ABCA13: variants seen among roughly 807,000 people sequenced by gnomAD.
ABCA13 encodes ATP binding cassette subfamily A member 13.
ABCA13 carries 476 observed loss-of-function variants against 478.7 expected under a neutral mutation model. The ratio of observed to expected loss-of-function variants is 0.99; its 90% CI spans 0.92 to 1.07. ABCA13 has a LOEUF of 1.07. Among genes scored for constraint, ABCA13 ranks in the 50% least tolerant of loss-of-function variants. The pLI, the probability that ABCA13 is intolerant of heterozygous loss-of-function variation, is 0.00. For synonymous variants in ABCA13, 2,252 were observed against 2,158.9 expected, an observed-to-expected ratio of 1.04 and a Z score of -1.20; for missense variants, 6,060 against 5,910.6, an observed-to-expected ratio of 1.03 and a Z score of -0.83.
At chr7:48,203,366 G>A (rs1799130123) in intron 3 of ABCA13, among the ~76,000 whole-genome samples, 1 of 152,264 alleles carries the variant, frequency 6.6e-6, no homozygotes, top group South Asian at 2.1e-4. Flanking sequence ...GACTCCCACA[G>A]TGCAGTGGTG....
Position 48,481,092 on chromosome 7 carries a change from A to G in ABCA13, c.13032A>G (p.Thr4344=). The G allele has an allele frequency of 6.2e-7, 1 of 1,603,402 alleles. No individual in the cohort carries two copies. Among genetic ancestry groups the G allele is most frequent in the Non-Finnish European group, 8.5e-7 (1 of 1,174,866 alleles). Residue 4344 remains threonine (T), a synonymous_variant, in exon 46 of 62, where the codon ACA becomes ACG. Coordinates refer to ENST00000435803, the MANE Select transcript of ABCA13 (RefSeq NM_152701.5). ...APYLTNHLGH[T]LLNLSGFNME... is the part of the protein sequence containing the mutation. ...ACCTGACCAACCACCTGGGCCACAC[A>G]CTGTTGAATCTCTCAGGCTTCAATA...
chr7:48,385,675 C>T lies in ABCA13; in HGVS notation c.11336-2147C>T, dbSNP rs1310825210. On this transcript the variant is annotated intron_variant, in intron 35 of 61. Coordinates refer to ENST00000435803, the MANE Select transcript of ABCA13 (RefSeq NM_152701.5). ...ATATATATTCCTTTGGGTATATACT[C>T]AGTAATGGGATTACTGGGTCAAATG... Among the ~76,000 whole-genome samples the T allele has an allele frequency of 4.6e-5, 7 of 152,106 alleles. No homozygotes were observed. In the East Asian group the frequency reaches 1.3e-3, roughly 29 times the overall value.
intron 42 of ABCA13, among the ~76,000 whole-genome samples, chr7:48,439,129 C>T (rs904197439): frequency 6.6e-6 from 1 of 152,104 alleles, no homozygotes; most frequent in Non-Finnish European, 1.5e-5. Flanking sequence ...CTCACAGTTT[C>T]TTTTGGTCAA....
intron 58 of ABCA13, among the ~76,000 whole-genome samples, chr7:48,598,288 T>G (rs1790505830): frequency 6.6e-6 from 1 of 152,230 alleles, no homozygotes. Flanking sequence ...CTGAGTCATA[T>G]TCCACTATCT....
chr7:48,321,828 T>A (rs1276177337), intron 27 of ABCA13, among the ~76,000 whole-genome samples: 1 of 152,132 alleles, frequency 6.6e-6, no homozygotes, highest in African/African-American at 2.4e-5. Context: ...CCAGGTAAGA[T>A]GTGGGCTGGG....
At chr7:48,329,042 G>A (rs554806705) in intron 27 of ABCA13, among the ~76,000 whole-genome samples, 1 of 152,306 alleles carries the variant, frequency 6.6e-6, no homozygotes, top group East Asian at 1.9e-4. Context: ...TTGTTTGTAA[G>A]CAGTAGAGAT....
At chr7:48,422,640 A>G (rs765605549) in intron 41 of ABCA13, among the ~76,000 whole-genome samples, 7 of 152,224 alleles carry the variant, frequency 4.6e-5, no homozygotes, top group Admixed American at 2.0e-4. Flanking sequence ...TCAAATCAAC[A>G]GCCCTTGTTT....
At chr7:48,474,387 AATTAGATG>A (rs1198187558) in intron 45 of ABCA13, among the ~76,000 whole-genome samples, 1 of 152,166 alleles carries the variant, frequency 6.6e-6, no homozygotes, top group African/African-American at 2.4e-5. Flanking sequence ...GGTTCTCTCT[AATTAGATG>A]ATTAGATGAT....
chr7:48,612,867 A>AT (rs75789910), intron 58 of ABCA13, among the ~76,000 whole-genome samples: 63 of 148,392 alleles, frequency 4.2e-4, no homozygotes, highest in South Asian at 1.5e-3. Context: ...CTTTCTGGGT[A>AT]TTTTTTTTTT....
chr7:48,240,627 GA>G (rs1790691548), intron 9 of ABCA13, among the ~76,000 whole-genome samples: 1 of 151,890 alleles, frequency 6.6e-6, no homozygotes, highest in South Asian at 2.1e-4. Flanking sequence ...TCTTTTGGGG[GA>G]AAAAAGAGAA....
chr7:48,300,691 C>T (rs1800026166), intron 23 of ABCA13, among the ~76,000 whole-genome samples: 2 of 152,164 alleles, frequency 1.3e-5, no homozygotes, highest in South Asian at 4.1e-4. Flanking sequence ...CTGCCCTCTT[C>T]CCTGGCTGCA....
At position 48,516,792 on chromosome 7, in the gene ABCA13, T is replaced by C. The variant is rs745471979; in HGVS notation, c.13708T>C (p.Ser4570Pro). ...IFSSSDVAFI[S>P]YVSLNFIFGL... is the part of the protein sequence containing the mutation. ...TTCCAGTTCGGACGTGGCTTTCATT[T>C]CCTATGTCTCACTAAACTTCATCTT... The change falls in exon 52 of 62, where the codon TCC becomes CCC. Residue 4570 changes from serine to proline, a missense_variant. By Grantham distance (74) the Ser-to-Pro change is moderately conservative. Around this residue, in one of 3 missense-constraint regions of ABCA13, gnomAD observed 1,627 missense variants for 1,571.0 expected, o/e 1.04. Coordinates refer to ENST00000435803, the MANE Select transcript of ABCA13 (RefSeq NM_152701.5). 1 of 1,613,760 alleles carries C rather than the reference T, an allele frequency of 6.2e-7. No homozygotes were observed.
At chr7:48,522,649 A>G (rs1832633017) in intron 53 of ABCA13, among the ~76,000 whole-genome samples, 2 of 152,228 alleles carry the variant, frequency 1.3e-5, no homozygotes, top group South Asian at 4.1e-4. Flanking sequence ...GTATTAGGAC[A>G]CTGGATTGTT....
At chr7:48,283,163 C>T (rs1483361195) in intron 19 of ABCA13, among the ~76,000 whole-genome samples, 6 of 151,946 alleles carry the variant, frequency 3.9e-5, no homozygotes, top group Admixed American at 3.9e-4. Context: ...GACGTATTCC[C>T]AACATCCACT....
At position 48,279,172 on chromosome 7, in the gene ABCA13, A is replaced by T. The variant is rs369146904; in HGVS notation, c.7978A>T (p.Asn2660Tyr). 1 of 1,601,304 alleles carries T rather than the reference A, an allele frequency of 6.2e-7. No individual in the cohort carries two copies. Among genetic ancestry groups the T allele is most frequent in the Non-Finnish European group, 8.5e-7 (1 of 1,173,876 alleles). ...EDMRSLAVAF[N>Y]NETQTFSMDS... ...TATGAGGAGTCTTGCGGTAGCATTTAACAATGAGACTCAAACATTTTCTAT... is the reference window on the plus strand; with the variant it reads ...TATGAGGAGTCTTGCGGTAGCATTTTACAATGAGACTCAAACATTTTCTAT... The change falls in exon 18 of 62, where the codon AAC becomes TAC. Residue 2660 changes from asparagine to tyrosine, a missense_variant. By Grantham distance (143) the Asn-to-Tyr change is moderately radical. Around this residue, in one of 3 missense-constraint regions of ABCA13, gnomAD observed 4,423 missense variants for 4,309.1 expected, o/e 1.03. Coordinates refer to ENST00000435803, the MANE Select transcript of ABCA13 (RefSeq NM_152701.5).
rs972983160 is a variant in ABCA13, at chr7:48,561,743, G to A, written c.14355-18481G>A. Among the ~76,000 whole-genome samples, 7 of 151,902 alleles carry A rather than the reference G, an allele frequency of 4.6e-5. No individual in the cohort carries two copies. In the East Asian group the frequency reaches 7.7e-4, roughly 17 times the overall value. ...TAGCTTTTTATTTTGATATAATCCCGTTTGTCTTTGTTTCTATTGCTTGAG... is the reference window on the plus strand; with the variant it reads ...TAGCTTTTTATTTTGATATAATCCCATTTGTCTTTGTTTCTATTGCTTGAG... On this transcript the variant is annotated intron_variant, in intron 55 of 61. Coordinates refer to ENST00000435803, the MANE Select transcript of ABCA13 (RefSeq NM_152701.5).
In ABCA13 at chr7:48,272,314, A is replaced by T. The variant is rs967269755; in HGVS notation, c.2648A>T (p.Lys883Ile). The change falls in exon 17 of 62, where the codon AAA becomes ATA. Residue 883 changes from lysine (K) to isoleucine (I), a missense_variant. This residue lies in a region of ABCA13 where 4,423 missense variants were observed against 4,309.1 expected (regional missense o/e 1.03). Coordinates refer to ENST00000435803, the MANE Select transcript of ABCA13 (RefSeq NM_152701.5). ...FSQLFHSDWPKSPAMNIDFVR... is the reference protein window; with the variant it reads ...FSQLFHSDWPISPAMNIDFVR... ...CAGTTGTTCCATTCAGATTGGCCTA[A>T]ATCACCAGCTATGAACATAGATTTT... The T allele has an allele frequency of 6.2e-7, 1 of 1,613,750 alleles. No homozygotes were observed. The highest frequency in any genetic ancestry group is 2.2e-5 in the East Asian group (1 of 44,866).
intron 23 of ABCA13, among the ~76,000 whole-genome samples, chr7:48,299,265 T>G (rs917478320): frequency 3.9e-5 from 6 of 152,204 alleles, no homozygotes; most frequent in Non-Finnish European, 8.8e-5. Flanking sequence ...GACCATCAAC[T>G]GGGCCCCAAC....
rs757093581 is a variant in ABCA13 at position 48,279,751 on chromosome 7, A to G, written c.8557A>G (p.Ile2853Val). Residue 2853 changes from isoleucine to valine, a missense_variant, in exon 18 of 62, where the codon ATT becomes GTT. Physicochemically the swap from Ile to Val is conservative, Grantham distance 29 (BLOSUM62 3). Transcript: ENST00000435803. ...TLFQPLFEIF[I>V]KATTGKNVTS... ...GTTTCAGCCACTTTTTGAGATTTTC[A>G]TTAAAGCAACCACCGGAAAGAATGT... 11 of 1,612,720 alleles carry G rather than the reference A, an allele frequency of 6.8e-6. No individual in the cohort carries two copies. The South Asian group carries it at 8.8e-5, about 13-fold the overall frequency.
Sources: gnomAD v4.1 joint callset for allele counts (sites outside exome capture counted in the v4.1 genomes callset) on GRCh38, gnomAD v4.1.1 for gene constraint, gnomAD v4.1.1 regional missense constraint, MANE v1.5 for transcripts, NCBI Gene and HGNC (gene_info 2026-07-23, HGNC 2026-07-21) for gene names.